WWTR1: variants seen among roughly 807,000 people sequenced by gnomAD.
WWTR1 encodes the protein WW domain containing transcription regulator 1.
A neutral mutation model predicts 40.1 loss-of-function variants in WWTR1; 13 were observed. The ratio of observed to expected loss-of-function variants is 0.32; its 90% confidence interval spans 0.21 to 0.52. The LOEUF (loss-of-function observed/expected upper bound fraction) is 0.52. WWTR1 is among the 20% of genes least tolerant of loss of function. The probability of loss-of-function intolerance (pLI) is 0.97; values close to 1 mark genes in which losing one functional copy is unlikely to be tolerated. For missense variants in WWTR1, 436 were observed against 523.1 expected (o/e 0.83, Z 1.63); for synonymous variants, 230 against 210.1 (o/e 1.09, Z -0.82).
chr3:149,672,474 G>A (rs558064811), intron 1 of WWTR1, among the ~76,000 whole-genome samples: 16 of 152,250 alleles, frequency 1.1e-4, no homozygotes, highest in Admixed American at 4.6e-4. Flanking sequence ...GTGGGAGCCA[G>A]GTAATAGTTT....
At chr3:149,680,620 G>A (rs371309571) in intron 1 of WWTR1, among the ~76,000 whole-genome samples, 1 of 151,826 alleles carries the variant, frequency 6.6e-6, no homozygotes, top group African/African-American at 2.4e-5. Flanking sequence ...GATCACTTGA[G>A]GCCAGGAGTT....
intron 2 of WWTR1, among the ~76,000 whole-genome samples, chr3:149,575,095 C>CT (rs1013915280): frequency 4.0e-5 from 6 of 149,502 alleles, no homozygotes; most frequent in African/African-American, 1.5e-4. Flanking sequence ...CTCCATCCCC[C>CT]CCAAAAAAAA....
chr3:149,638,564 C>T (rs1711967079), intron 2 of WWTR1, among the ~76,000 whole-genome samples: 2 of 152,046 alleles, frequency 1.3e-5, no homozygotes, highest in African/African-American at 4.8e-5. Context: ...CTTGTCTCTG[C>T]GTGTGCTTCT....
chr3:149,723,875 C>T (rs9840144), intron 4 of WWTR1, among the ~76,000 whole-genome samples: 1 of 152,094 alleles, frequency 6.6e-6, no homozygotes, highest in African/African-American at 2.4e-5. Context: ...TATTTGGAGG[C>T]CAGGGTCCTT....
intron 2 of WWTR1, chr3:149,576,077 G>A (rs1737864607): frequency 2.2e-6 from 1 of 456,728 alleles, no homozygotes; most frequent in Non-Finnish European, 4.4e-6. Context: ...CCTTTCTTAA[G>A]TGAGCAGTTC....
intron 2 of WWTR1, among the ~76,000 whole-genome samples, chr3:149,620,280 G>C (rs1178215346): frequency 6.6e-6 from 1 of 152,156 alleles, no homozygotes; most frequent in African/African-American, 2.4e-5. Flanking sequence ...GTGGCACACA[G>C]AGCATAAACA....
At chr3:149,671,482 G>A (rs1714088057) in intron 1 of WWTR1, among the ~76,000 whole-genome samples, 1 of 152,134 alleles carries the variant, frequency 6.6e-6, no homozygotes, top group African/African-American at 2.4e-5. Flanking sequence ...TCCCCTAACA[G>A]AATGTTTTAA....
intron 2 of WWTR1, among the ~76,000 whole-genome samples, chr3:149,609,478 CAAATT>C (rs1739636692): frequency 1.3e-5 from 2 of 152,124 alleles, no homozygotes; most frequent in South Asian, 2.1e-4. Flanking sequence ...ATAATTGTAA[CAAATT>C]AAAATAATAC....
chr3:149,557,216 G>A lies in WWTR1; in HGVS notation c.569-14679C>T, dbSNP rs1024158061. Among the ~76,000 whole-genome samples the A allele has an allele frequency of 4.6e-5, 7 of 151,772 alleles. No homozygotes were observed. In the East Asian group the frequency reaches 5.8e-4, roughly 13 times the overall value. ...CTCCCAAGTAGTTGAGATTACAGGC[G>A]CCCACCACCACGCCCAGCTAATTTT... On this transcript the variant is annotated intron_variant, in intron 3 of 6. Transcript: ENST00000360632.
chr3:149,718,370 G>A (rs1576651380), intron 4 of WWTR1, among the ~76,000 whole-genome samples: 2 of 152,128 alleles, frequency 1.3e-5, no homozygotes, highest in East Asian at 3.8e-4. Context: ...ATGCCATGAG[G>A]GCCACTAGTC....
At chr3:149,533,498 G>A (rs1252577300) in intron 4 of WWTR1, among the ~76,000 whole-genome samples, 3 of 152,228 alleles carry the variant, frequency 2.0e-5, no homozygotes, top group Admixed American at 6.5e-5. Context: ...AGGCAGATAC[G>A]ATGAAGGGCT....
intron 5 of WWTR1, among the ~76,000 whole-genome samples, chr3:149,711,748 G>C (rs1576649603): frequency 6.6e-6 from 1 of 152,118 alleles, no homozygotes; most frequent in South Asian, 2.1e-4. Context: ...TGGCTTCTGT[G>C]CATCACATTT....
At chr3:149,711,686 T>C (rs1715480784) in intron 5 of WWTR1, among the ~76,000 whole-genome samples, 1 of 152,212 alleles carries the variant, frequency 6.6e-6, no homozygotes, top group South Asian at 2.1e-4. Context: ...TCACCTATTT[T>C]ATCAGCAGAT....
At chr3:149,521,034 C>T in intron 6 of WWTR1, 45 bp from the exon 7 acceptor site, 3 of 1,528,632 alleles carry the variant, frequency 2.0e-6, no homozygotes, top group Non-Finnish European at 2.6e-6. Flanking sequence ...TTCTTTTAGG[C>T]TCTTGAAGGA....
chr3:149,683,147 T>C (rs921753360), intron 1 of WWTR1, among the ~76,000 whole-genome samples: 1 of 152,192 alleles, frequency 6.6e-6, no homozygotes, highest in African/African-American at 2.4e-5. Flanking sequence ...TACATACATC[T>C]TTTCATTTCA....
rs1320220699 is a variant in WWTR1 at position 149,657,267 on chromosome 3, C to A, written c.40G>T (p.Gly14Trp). 2.5e-6 allele frequency: 4 copies of A among 1,613,194 alleles called. No individual in the cohort carries two copies. Among genetic ancestry groups the A allele is most frequent in the Non-Finnish European group, 8.5e-7 (1 of 1,179,664 alleles). Residue 14 changes from glycine to tryptophan, a missense_variant, in exon 2 of 7, where the codon GGG becomes TGG. Gly to Trp is a radical substitution (Grantham distance 184, BLOSUM62 -2). Transcript: ENST00000360632. ...TGCGTGACGTGGATCACTTGCTGCC[C>A]AGGCGGCGGGAGCGGAGGGGGCGCC... Reference protein sequence around the residue: ...ASAPPPLPPPGQQVIHVTQDL... With the variant: ...ASAPPPLPPPWQQVIHVTQDL...
At chr3:149,604,644 C>T (rs1739404178) in intron 2 of WWTR1, among the ~76,000 whole-genome samples, 1 of 152,202 alleles carries the variant, frequency 6.6e-6, no homozygotes, top group African/African-American at 2.4e-5. Flanking sequence ...CACATGCTGA[C>T]CAGCTGCTCA....
intron 4 of WWTR1, among the ~76,000 whole-genome samples, chr3:149,537,000 A>G (rs1163460043): frequency 6.6e-6 from 1 of 152,184 alleles, no homozygotes; most frequent in African/African-American, 2.4e-5. Context: ...GTAAAGCCAT[A>G]TGCCTGTTTT....
chr3:149,579,203 G>A (rs11916848), intron 2 of WWTR1, among the ~76,000 whole-genome samples: 14,778 of 152,212 alleles, frequency 0.097, 893 homozygotes, highest in Non-Finnish European at 0.13. Flanking sequence ...TTTAATAAAT[G>A]AGAGTTTCAT....
Sources: allele counts gnomAD v4.1 joint callset (sites outside exome capture counted in the v4.1 genomes callset), GRCh38; gene constraint gnomAD v4.1.1; transcripts MANE v1.5; gene names NCBI Gene and HGNC (gene_info 2026-07-23, HGNC 2026-07-21).